The following ENTREP2 variants were observed in gnomAD, a reference collection of about 807,000 sequenced individuals.
ENTREP2 encodes protein ENTREP2.
chr15:29,605,175 A>G, the ENTREP2 span, among the ~76,000 whole-genome samples: 1 of 152,196 alleles, frequency 6.6e-6, no homozygotes, highest in Non-Finnish European at 1.5e-5. Context: ...AAAATGTGGT[A>G]TGGCAAATGG....
At chr15:29,573,421 G>T in the ENTREP2 span, among the ~76,000 whole-genome samples, 4 of 152,182 alleles carry the variant, frequency 2.6e-5, no homozygotes, top group African/African-American at 9.7e-5. Context: ...AATCATAAGA[G>T]GTTCAGAGAA....
At chr15:29,533,524 A>C in the ENTREP2 span, among the ~76,000 whole-genome samples, 1 of 152,176 alleles carries the variant, frequency 6.6e-6, no homozygotes. Flanking sequence ...CCACCTGTTC[A>C]CCTGGTGAGA....
chr15:29,496,653 T>C, the ENTREP2 span, among the ~76,000 whole-genome samples: 2 of 152,154 alleles, frequency 1.3e-5, no homozygotes, highest in East Asian at 3.8e-4. Context: ...CAAATGTTGG[T>C]TTAAATATTT....
chr15:29,637,769 G>A, the ENTREP2 span, among the ~76,000 whole-genome samples: 3 of 152,198 alleles, frequency 2.0e-5, no homozygotes, highest in Admixed American at 6.5e-5. Flanking sequence ...CCAGTTGCAG[G>A]AGGAGCTAGA....
chr15:29,481,481 C>CA, the ENTREP2 span, among the ~76,000 whole-genome samples: 2 of 151,864 alleles, frequency 1.3e-5, no homozygotes, highest in African/African-American at 2.4e-5. Context: ...ACTGATTATA[C>CA]AAAAAAATAG....
the ENTREP2 span, among the ~76,000 whole-genome samples, chr15:29,392,693 G>A: frequency 0.015 from 2,229 of 152,254 alleles, 63 homozygotes; most frequent in African/African-American, 0.051. Context: ...CTGAATCTGT[G>A]AATTTATATT....
the ENTREP2 span, among the ~76,000 whole-genome samples, chr15:29,172,321 C>G: frequency 2.0e-5 from 3 of 152,184 alleles, no homozygotes; most frequent in Non-Finnish European, 4.4e-5. Context: ...TTGCTAACCA[C>G]CATATTAATC....
the ENTREP2 span, among the ~76,000 whole-genome samples, chr15:29,671,068 C>T: frequency 6.6e-6 from 1 of 152,138 alleles, no homozygotes; most frequent in Non-Finnish European, 1.5e-5. Flanking sequence ...GGGTTAATCA[C>T]CAGTGGTCAA....
At chr15:29,155,109 C>T in the ENTREP2 span, among the ~76,000 whole-genome samples, 2 of 144,252 alleles carry the variant, frequency 1.4e-5, no homozygotes, top group African/African-American at 2.4e-5. Flanking sequence ...GGTGAAACCC[C>T]GTCTCTACTA....
the ENTREP2 span, among the ~76,000 whole-genome samples, chr15:29,452,121 C>T: frequency 6.6e-6 from 1 of 152,160 alleles, no homozygotes; most frequent in African/African-American, 2.4e-5. Context: ...CAATTAATTC[C>T]CTAAGCCAAA....
At chr15:29,302,576 C>A in the ENTREP2 span, among the ~76,000 whole-genome samples, 1 of 152,162 alleles carries the variant, frequency 6.6e-6, no homozygotes, top group Non-Finnish European at 1.5e-5. Flanking sequence ...GAAAAGAGCT[C>A]TCACAATAGC....
At chr15:29,209,332 T>C in the ENTREP2 span, among the ~76,000 whole-genome samples, 1 of 151,992 alleles carries the variant, frequency 6.6e-6, no homozygotes, top group Non-Finnish European at 1.5e-5. Context: ...TGAAACCCCG[T>C]CTCTACTAAA....
chr15:29,200,268 C>G, the ENTREP2 span, among the ~76,000 whole-genome samples: 1 of 152,034 alleles, frequency 6.6e-6, no homozygotes, highest in Non-Finnish European at 1.5e-5. Context: ...CTCCGCCTCC[C>G]GGGTTCAAGC....
the ENTREP2 span, among the ~76,000 whole-genome samples, chr15:29,283,829 T>G: frequency 1.3e-5 from 2 of 152,192 alleles, no homozygotes; most frequent in Non-Finnish European, 2.9e-5. Context: ...TTTTTATTGT[T>G]TTGTTGTTCC....
chr15:29,623,083 T>C, the ENTREP2 span, among the ~76,000 whole-genome samples: 1 of 152,358 alleles, frequency 6.6e-6, no homozygotes, highest in Non-Finnish European at 1.5e-5. Context: ...TTTGTTAAAT[T>C]ATCTTTGGAC....
the ENTREP2 span, among the ~76,000 whole-genome samples, chr15:29,504,776 G>A: frequency 6.6e-6 from 1 of 152,216 alleles, no homozygotes; most frequent in African/African-American, 2.4e-5. Flanking sequence ...TTCATGAAAT[G>A]CTAAGTAAAA....
the ENTREP2 span, among the ~76,000 whole-genome samples, chr15:29,521,857 C>T: frequency 7.7e-6 from 1 of 129,818 alleles, no homozygotes; most frequent in Non-Finnish European, 1.7e-5. Flanking sequence ...TATACATACA[C>T]TTAAACACAC....
the ENTREP2 span, among the ~76,000 whole-genome samples, chr15:29,287,629 G>A: frequency 6.6e-6 from 1 of 152,170 alleles, no homozygotes; most frequent in Admixed American, 6.5e-5. Context: ...TAAATTACGT[G>A]AGACCCAAAT....
the ENTREP2 span, among the ~76,000 whole-genome samples, chr15:29,155,870 T>A: frequency 6.6e-6 from 1 of 152,140 alleles, no homozygotes; most frequent in Non-Finnish European, 1.5e-5. Context: ...TGCTACTCCA[T>A]CTTGGCCAGA....
Sources: allele counts gnomAD v4.1 joint callset (sites outside exome capture counted in the v4.1 genomes callset), GRCh38; gene constraint gnomAD v4.1.1; transcripts MANE v1.5; gene names NCBI Gene and HGNC (gene_info 2026-07-23, HGNC 2026-07-21).